Variants in SFMBT2 observed in about 807,000 individuals in gnomAD.
The protein encoded by SFMBT2 is scm-like with four MBT domains protein 2.
Under a neutral mutation model 110.1 loss-of-function variants are expected in SFMBT2, and 38 were observed. The observed-to-expected ratio is 0.35, with a 90% CI of 0.27 to 0.45. The LOEUF is 0.45. Ranked by LOEUF, SFMBT2 falls within the 20% of genes least tolerant of loss-of-function variation. The probability of loss-of-function intolerance (pLI) is 1.00; values close to 1 mark genes in which losing one functional copy is unlikely to be tolerated. For missense variants in SFMBT2, 1,011 were observed against 1,094.9 expected (o/e 0.92, Z 1.08); for synonymous variants, 425 against 425.4 (o/e 1.00, Z 0.01).
intron 4 of SFMBT2, among the ~76,000 whole-genome samples, chr10:7,324,251 C>A (rs972050260): frequency 6.6e-6 from 1 of 152,224 alleles, no homozygotes; most frequent in African/African-American, 2.4e-5. Context: ...TAATCACACA[C>A]ACACACATTT....
intron 1 of SFMBT2, among the ~76,000 whole-genome samples, chr10:7,410,073 A>G (rs942925856): frequency 2.8e-4 from 42 of 152,358 alleles, no homozygotes; most frequent in African/African-American, 9.9e-4. Flanking sequence ...CCACGCACGC[A>G]TATTAAAAAA....
chr10:7,212,740 A>C (rs1839391258), intron 11 of SFMBT2, among the ~76,000 whole-genome samples: 1 of 152,240 alleles, frequency 6.6e-6, no homozygotes, highest in African/African-American at 2.4e-5. Flanking sequence ...TCACACATCC[A>C]GGAAGCATAT....
chr10:7,216,343 T>C (rs1362204629), intron 11 of SFMBT2, among the ~76,000 whole-genome samples: 1 of 152,162 alleles, frequency 6.6e-6, no homozygotes, highest in African/African-American at 2.4e-5. Flanking sequence ...CCCATACTGA[T>C]CTCATGGTAG....
intron 4 of SFMBT2, among the ~76,000 whole-genome samples, chr10:7,362,940 T>C (rs1588481673): frequency 6.6e-6 from 1 of 152,334 alleles, no homozygotes; most frequent in South Asian, 2.1e-4. Flanking sequence ...TCGTGCATTA[T>C]ATAGGAAAAC....
intron 4 of SFMBT2, among the ~76,000 whole-genome samples, chr10:7,307,651 A>G (rs1842734134): frequency 6.6e-6 from 1 of 152,226 alleles, no homozygotes; most frequent in Non-Finnish European, 1.5e-5. Context: ...GTCTTCTGCT[A>G]TATGCACTGC....
intron 7 of SFMBT2, among the ~76,000 whole-genome samples, chr10:7,253,489 C>T (rs1840882596): frequency 6.6e-6 from 1 of 152,110 alleles, no homozygotes; most frequent in Non-Finnish European, 1.5e-5. Flanking sequence ...TGGAAAAAAC[C>T]CACACATGTG....
At chr10:7,330,647 GTC>G (rs928886861) in intron 4 of SFMBT2, among the ~76,000 whole-genome samples, 34 of 152,212 alleles carry the variant, frequency 2.2e-4, no homozygotes, top group African/African-American at 2.9e-4. Flanking sequence ...CCAGCTCCCT[GTC>G]TCTCTCTTTC....
intron 4 of SFMBT2, among the ~76,000 whole-genome samples, chr10:7,289,035 T>G (rs1365503203): frequency 1.3e-5 from 2 of 150,014 alleles, no homozygotes; most frequent in African/African-American, 4.9e-5. Context: ...AGCCCCCAGG[T>G]GTTCAGAGCC....
At position 7,163,902 on chromosome 10, in the gene SFMBT2, G is replaced by A. The variant is rs142724661; in HGVS notation, c.2553C>T (p.Asp851=). ...LAKIFQEQDI[D]GQALLLLTLP... ...GGGTCAGAAGCAGGAGTGCTTGGCC[G>A]TCAATATCCTGCAGGAAAAGAAAGG... Residue 851 remains aspartate, a synonymous_variant, in exon 21 of 21, where the codon GAC becomes GAT. Coordinates refer to ENST00000397167, the MANE Select transcript of SFMBT2 (RefSeq NM_001387889.1). This position sits in a 1 kb window ranked among gnomAD's most constrained non-coding sequence, Gnocchi z 4.8. 3.7e-5 allele frequency: 60 copies of A among 1,612,344 alleles called. No homozygotes were observed. Among genetic ancestry groups the A allele is most frequent in the South Asian group, 4.4e-5 (4 of 90,862 alleles).
rs757680867 is a variant in SFMBT2, at chr10:7,188,698, A to G, written c.1734T>C (p.Pro578=). The change falls in exon 16 of 21, where the codon CCT becomes CCC. Residue 578 remains proline, a synonymous_variant. Coordinates refer to ENST00000397167, the MANE Select transcript of SFMBT2 (RefSeq NM_001387889.1). ...LSMIINAAYK[P]GRVLRELQLV... ...GCTGTAATTCTCTTAATACCCTTCC[A>G]GGCTTGTAGGCTGCGTTGATTATCA... The G allele has an allele frequency of 2.9e-5, 46 of 1,613,526 alleles. 1 individual carries two copies. The South Asian group carries it at 3.0e-4, about 10-fold the overall frequency.
chr10:7,186,995 C>T (rs1390568796), intron 16 of SFMBT2, among the ~76,000 whole-genome samples: 1 of 152,302 alleles, frequency 6.6e-6, no homozygotes, highest in East Asian at 1.9e-4. Context: ...GCTGCCTTTA[C>T]AATTCAGTAG....
At position 7,408,495 on chromosome 10, in the gene SFMBT2, G is replaced by C. The variant is rs922388882; in HGVS notation, c.-52+2366C>G. 6.6e-6 allele frequency among the ~76,000 whole-genome samples: 1 copy of C among 152,202 alleles called. No individual in the cohort carries two copies. The highest frequency in any genetic ancestry group is 1.5e-5 in the Non-Finnish European group (1 of 68,030). ...CTTTGTAACCCTATCATTTAAAAACGCTTCCAGGCACCTGGCCGCTGCCAG... is the reference window on the plus strand; with the variant it reads ...CTTTGTAACCCTATCATTTAAAAACCCTTCCAGGCACCTGGCCGCTGCCAG... On this transcript the variant is annotated intron_variant, in intron 1 of 20. Transcript: ENST00000397167. This position sits in a 1 kb window ranked among gnomAD's most constrained non-coding sequence, Gnocchi z 5.7.
At chr10:7,242,676 T>G (rs1162282217) in intron 9 of SFMBT2, among the ~76,000 whole-genome samples, 1 of 152,096 alleles carries the variant, frequency 6.6e-6, no homozygotes, top group African/African-American at 2.4e-5. Flanking sequence ...AGTACAGTCA[T>G]AGTAAAGGTA....
chr10:7,398,225 A>G (rs1288328746), intron 1 of SFMBT2, among the ~76,000 whole-genome samples: 1 of 152,170 alleles, frequency 6.6e-6, no homozygotes, highest in Non-Finnish European at 1.5e-5. Flanking sequence ...CTTCTAATTC[A>G]TGGTTTTCAC....
At chr10:7,375,271 G>T (rs980859186) in intron 2 of SFMBT2, among the ~76,000 whole-genome samples, 1 of 152,172 alleles carries the variant, frequency 6.6e-6, no homozygotes, top group African/African-American at 2.4e-5. Flanking sequence ...AGTGAAAAAT[G>T]GAATAAACAA....
intron 4 of SFMBT2, among the ~76,000 whole-genome samples, chr10:7,350,062 C>T (rs951357875): frequency 6.6e-6 from 1 of 152,214 alleles, no homozygotes; most frequent in African/African-American, 2.4e-5. Context: ...CCCCGGGAGG[C>T]ACTGCCCACA....
chr10:7,306,612 T>C (rs2131892366), intron 4 of SFMBT2, among the ~76,000 whole-genome samples: 1 of 152,072 alleles, frequency 6.6e-6, no homozygotes, highest in South Asian at 2.1e-4. Context: ...ATGGATCAGA[T>C]AATATCTATA....
At chr10:7,357,155 A>G (rs978499373) in intron 4 of SFMBT2, among the ~76,000 whole-genome samples, 2 of 152,158 alleles carry the variant, frequency 1.3e-5, no homozygotes, top group Non-Finnish European at 2.9e-5. Flanking sequence ...CCTCTCCAGA[A>G]GGCATTAAGA....
chr10:7,213,079 A>C (rs533638650), intron 11 of SFMBT2, among the ~76,000 whole-genome samples: 1 of 152,108 alleles, frequency 6.6e-6, no homozygotes, highest in East Asian at 1.9e-4. Flanking sequence ...GGGGCCTGTC[A>C]AGGGGTGGGG....
Sources: gnomAD v4.1 joint callset for allele counts (sites outside exome capture counted in the v4.1 genomes callset) on GRCh38, gnomAD v4.1.1 for gene constraint, Gnocchi (gnomAD v3.1) non-coding constraint, MANE v1.5 for transcripts, NCBI Gene and HGNC (gene_info 2026-07-23, HGNC 2026-07-21) for gene names.